Variants in PDE7B observed in about 807,000 individuals in gnomAD.
The protein encoded by PDE7B is 3',5'-cyclic-AMP phosphodiesterase 7B.
PDE7B carries 29 observed loss-of-function variants against 56.2 expected under a neutral mutation model. The ratio of observed to expected loss-of-function variants is 0.52; its 90% CI spans 0.38 to 0.70. The LOEUF is 0.70. Among genes scored for constraint, PDE7B ranks in the 30% least tolerant of loss-of-function variants. The probability of loss-of-function intolerance (pLI) is 0.00; values close to 1 mark genes in which losing one functional copy is unlikely to be tolerated. For missense variants in PDE7B, 490 were observed against 565.0 expected (o/e 0.87, Z 1.35); for synonymous variants, 197 against 196.9 (o/e 1.00, Z 0.00).
At chr6:136,160,544 C>T (rs1159515676) in intron 8 of PDE7B, among the ~76,000 whole-genome samples, 7 of 152,162 alleles carry the variant, frequency 4.6e-5, no homozygotes, top group Non-Finnish European at 5.9e-5. Flanking sequence ...TCAGGGCACA[C>T]CAGCATCATC....
intron 2 of PDE7B, among the ~76,000 whole-genome samples, chr6:136,081,195 T>A (rs1182006174): frequency 6.6e-6 from 1 of 152,114 alleles, no homozygotes; most frequent in Non-Finnish European, 1.5e-5. Context: ...GAGAGATTAC[T>A]GCAGTATGAT....
intron 3 of PDE7B, among the ~76,000 whole-genome samples, chr6:136,134,588 G>A (rs1308808167): frequency 1.3e-5 from 2 of 151,300 alleles, no homozygotes; most frequent in East Asian, 3.9e-4. Context: ...TTTGAAAAAC[G>A]TTTCGATTGC....
chr6:135,891,882 G>A (rs933849767), intron 1 of PDE7B, among the ~76,000 whole-genome samples: 2 of 152,086 alleles, frequency 1.3e-5, no homozygotes, highest in African/African-American at 4.8e-5. Context: ...GAGGAAGGAA[G>A]AGAGCATGCT....
intron 2 of PDE7B, among the ~76,000 whole-genome samples, chr6:136,021,040 T>C (rs1253696886): frequency 6.6e-6 from 1 of 152,144 alleles, no homozygotes; most frequent in Non-Finnish European, 1.5e-5. Context: ...TTCCTAAGGG[T>C]TGATTTAGGG....
chr6:135,886,595 G>A (rs992178350), intron 1 of PDE7B, among the ~76,000 whole-genome samples: 15 of 151,960 alleles, frequency 9.9e-5, no homozygotes, highest in African/African-American at 1.9e-4. Context: ...AGCTTAGCTC[G>A]CACTTATAAG....
rs1350119932 is a variant in PDE7B, at chr6:135,854,350, G to A, written c.21+2331G>A. Among the ~76,000 whole-genome samples, 2 of 152,202 alleles carry A rather than the reference G, an allele frequency of 1.3e-5. 1 individual carries two copies. The highest frequency in any genetic ancestry group is 4.1e-4 in the South Asian group (2 of 4,828). Reference sequence around the variant, plus strand: ...AGAACAGACTTTGAAACATCTAAATGTAGAAGCTAAGAGGTAGTCTAAGTA... The same window carrying A: ...AGAACAGACTTTGAAACATCTAAATATAGAAGCTAAGAGGTAGTCTAAGTA... On this transcript the variant is annotated intron_variant, in intron 1 of 12. Transcript: ENST00000308191.
intron 2 of PDE7B, among the ~76,000 whole-genome samples, chr6:136,069,354 T>C (rs1203956154): frequency 6.6e-6 from 1 of 152,160 alleles, no homozygotes; most frequent in Non-Finnish European, 1.5e-5. Context: ...CGTGCATAAG[T>C]AAATATGTAC....
rs188844387 is a variant in PDE7B at position 136,006,528 on chromosome 6, T to C, written c.82+59004T>C. 2.4e-3 allele frequency among the ~76,000 whole-genome samples: 358 copies of C among 152,288 alleles called. 4 individuals carry two copies. The highest frequency in any genetic ancestry group is 3.6e-3 in the Non-Finnish European group (245 of 68,026). ...AGCATGGCCATTTCAATGATATTGA[T>C]TCTTCCTATCCATGAGAATGGGATG... On this transcript the variant is annotated intron_variant, in intron 2 of 12. Coordinates refer to ENST00000308191, the MANE Select transcript of PDE7B (RefSeq NM_018945.4).
chr6:135,924,996 GTTT>G (rs5880270), intron 1 of PDE7B, among the ~76,000 whole-genome samples: 1 of 133,816 alleles, frequency 7.5e-6, no homozygotes, highest in African/African-American at 2.7e-5. Context: ...ATATTTGGGT[GTTT>G]TTTTTTTTTT....
intron 5 of PDE7B, among the ~76,000 whole-genome samples, 161 bp downstream of exon 5, chr6:136,149,311 C>T (rs2091727398): frequency 6.6e-6 from 1 of 152,162 alleles, no homozygotes; most frequent in African/African-American, 2.4e-5. Context: ...AAGGGAAAAT[C>T]AACTCAGATG....
In PDE7B at chr6:135,885,360, C is replaced by G. The variant is rs189906241; in HGVS notation, c.21+33341C>G. On this transcript the variant is annotated intron_variant, in intron 1 of 12. Transcript: ENST00000308191. The stretch of plus-strand genomic sequence containing the variant: ...TTTTTTTTTATCTCACTGCCACTAC[C>G]GTGGCCCAGGGCTGCATCTGCATAA... 8.5e-4 allele frequency among the ~76,000 whole-genome samples: 129 copies of G among 151,064 alleles called. 1 individual carries two copies. Among genetic ancestry groups the G allele is most frequent in the Non-Finnish European group, 1.5e-3 (102 of 67,788 alleles).
chr6:136,137,763 C>G (rs1270686139), intron 3 of PDE7B, among the ~76,000 whole-genome samples: 2 of 152,050 alleles, frequency 1.3e-5, no homozygotes, highest in Non-Finnish European at 2.9e-5. Context: ...TTTTTATTAA[C>G]ATATTTTTGC....
intron 2 of PDE7B, among the ~76,000 whole-genome samples, chr6:136,033,218 T>G (rs1776270568): frequency 2.0e-5 from 3 of 152,202 alleles, no homozygotes; most frequent in African/African-American, 7.2e-5. Context: ...GAAAATCAAG[T>G]CTTCCTGCCA....
chr6:135,917,193 G>T (rs1773969182), intron 1 of PDE7B, among the ~76,000 whole-genome samples: 1 of 152,124 alleles, frequency 6.6e-6, no homozygotes, highest in Non-Finnish European at 1.5e-5. Flanking sequence ...TTCCTTTCAA[G>T]ATGGTTTTGG....
Position 136,039,736 on chromosome 6 carries a change from T to C in PDE7B, c.83-68995T>C, listed in dbSNP as rs144673850. Among the ~76,000 whole-genome samples, 824 of 152,142 alleles carry C rather than the reference T, an allele frequency of 5.4e-3. 13 individuals are homozygous for C. Among genetic ancestry groups the C allele is most frequent in the African/African-American group, 0.018 (746 of 41,496 alleles). On this transcript the variant is annotated intron_variant, in intron 2 of 12. Coordinates refer to ENST00000308191, the MANE Select transcript of PDE7B (RefSeq NM_018945.4). ...AATAAAACTGAGGTTTATGTGGCAA[T>C]TGGGAGAAGGATGCCCAGGGAGATG...
At chr6:136,066,360 G>C (rs747800872) in intron 2 of PDE7B, among the ~76,000 whole-genome samples, 3 of 152,164 alleles carry the variant, frequency 2.0e-5, no homozygotes, top group Non-Finnish European at 4.4e-5. Flanking sequence ...AGATAGGAGA[G>C]GTGGGATGAC....
chr6:136,041,219 C>G (rs73777432), intron 2 of PDE7B, among the ~76,000 whole-genome samples: 2,019 of 152,182 alleles, frequency 0.013, 38 homozygotes, highest in African/African-American at 0.045. Flanking sequence ...TTTTCCTTAG[C>G]AAAGGGCATC....
At position 135,885,417 on chromosome 6, in the gene PDE7B, A is replaced by T. The variant is rs990536235; in HGVS notation, c.21+33398A>T. 3.3e-5 allele frequency among the ~76,000 whole-genome samples: 5 copies of T among 151,718 alleles called. No homozygotes were observed. The East Asian group carries it at 5.8e-4, about 18-fold the overall frequency. On this transcript the variant is annotated intron_variant, in intron 1 of 12. Coordinates refer to ENST00000308191, the MANE Select transcript of PDE7B (RefSeq NM_018945.4). Reference sequence around the variant, plus strand: ...GCACCTTTCCAGTGATCTCTCGGGCATCATCAGTCCATTCTACACTCAAAT... The same window carrying T: ...GCACCTTTCCAGTGATCTCTCGGGCTTCATCAGTCCATTCTACACTCAAAT...
chr6:135,987,278 C>G (rs1232030849), intron 2 of PDE7B, among the ~76,000 whole-genome samples: 1 of 152,064 alleles, frequency 6.6e-6, no homozygotes, highest in Non-Finnish European at 1.5e-5. Context: ...CAGGGAATGT[C>G]TCTGGGTTGA....
Sources: gnomAD v4.1 joint callset for allele counts (sites outside exome capture counted in the v4.1 genomes callset) on GRCh38, gnomAD v4.1.1 for gene constraint, MANE v1.5 for transcripts, NCBI Gene and HGNC (gene_info 2026-07-23, HGNC 2026-07-21) for gene names.